GPC6: variants seen among roughly 807,000 people sequenced by gnomAD.
The protein encoded by GPC6 is glypican 6, also known as glypican-6.
In GPC6, 14 loss-of-function variants were observed where a neutral mutation model predicts 55.2. The observed-to-expected ratio is 0.25, with a 90% CI of 0.17 to 0.40. GPC6 has a LOEUF of 0.40. GPC6 is among the 10% of genes least tolerant of loss of function. GPC6 has a pLI of 1.00. For missense variants in GPC6, 641 were observed against 708.5 expected (o/e 0.90, Z 1.08); for synonymous variants, 278 against 259.6 (o/e 1.07, Z -0.68).
chr13:94,360,193 G>T (rs1878992129), intron 6 of GPC6, among the ~76,000 whole-genome samples: 3 of 152,138 alleles, frequency 2.0e-5, no homozygotes, highest in Admixed American at 1.3e-4. Context: ...GGAGTTTTTA[G>T]GACTTTCATT....
At position 93,924,877 on chromosome 13, in the gene GPC6, A is replaced by G. The variant is rs902213629; in HGVS notation, c.711+94332A>G. Among the ~76,000 whole-genome samples the G allele has an allele frequency of 2.0e-5, 3 of 152,208 alleles. No homozygotes were observed. In the East Asian group the frequency reaches 5.8e-4, roughly 29 times the overall value. Reference sequence around the variant, plus strand: ...AAAATTGTATGCATTTATCATATACATGATATTTTGAAATGTATATGTACT... The same window carrying G: ...AAAATTGTATGCATTTATCATATACGTGATATTTTGAAATGTATATGTACT... On this transcript the variant is annotated intron_variant, in intron 3 of 8. Transcript: ENST00000377047.
chr13:94,156,169 GA>G, intron 4 of GPC6, among the ~76,000 whole-genome samples: 1 of 152,240 alleles, frequency 6.6e-6, no homozygotes, highest in Middle Eastern at 3.4e-3. Context: ...ATGGCCAAAT[GA>G]AACAGGGTAA....
intron 2 of GPC6, among the ~76,000 whole-genome samples, chr13:93,699,364 T>C (rs1882591096): frequency 6.6e-6 from 1 of 152,102 alleles, no homozygotes; most frequent in South Asian, 2.1e-4. Flanking sequence ...ACAGGATGGC[T>C]TTCAATTTAG....
chr13:93,287,911 G>GA (rs953890731), intron 1 of GPC6, among the ~76,000 whole-genome samples: 7 of 152,076 alleles, frequency 4.6e-5, no homozygotes, highest in Admixed American at 3.9e-4. Context: ...TCCCTGTAGG[G>GA]AAAACTGTTT....
At chr13:94,182,993 G>A (rs760133450) in intron 4 of GPC6, among the ~76,000 whole-genome samples, 12 of 152,102 alleles carry the variant, frequency 7.9e-5, no homozygotes, top group Non-Finnish European at 1.6e-4. Context: ...GCCCAGGCTG[G>A]TCTCAAACTC....
At chr13:93,780,129 T>C (rs1885590805) in intron 2 of GPC6, among the ~76,000 whole-genome samples, 3 of 152,030 alleles carry the variant, frequency 2.0e-5, no homozygotes, top group Admixed American at 2.0e-4. Context: ...TAAGAAGTAA[T>C]GAGGATGAAA....
At position 93,513,881 on chromosome 13, in the gene GPC6, T is replaced by C. The variant is rs1881078039; in HGVS notation, c.161-31382T>C. 5.5e-5 allele frequency among the ~76,000 whole-genome samples: 8 copies of C among 146,136 alleles called. 1 individual carries two copies. On this transcript the variant is annotated intron_variant, in intron 1 of 8. Transcript: ENST00000377047. ...AATCCTTTGCTGAATGATGGCTTTT[T>C]TTTTTTTTTTTTTCGGTGTTTCACT...
chr13:94,373,972 T>C (rs1054841544), intron 6 of GPC6, among the ~76,000 whole-genome samples: 6 of 151,884 alleles, frequency 4.0e-5, no homozygotes, highest in Non-Finnish European at 8.8e-5. Context: ...CTAAGCTTCA[T>C]AAGTGAAGGA....
rs1379129435 is a variant in GPC6, at chr13:93,226,887, C to T, written c.-570C>T. 6.6e-6 allele frequency: 1 copy of T among 152,596 alleles called. No homozygotes were observed. The highest frequency in any genetic ancestry group is 1.5e-5 in the Non-Finnish European group (1 of 68,100). 9.5% of individuals were successfully genotyped at this position (152,596 alleles called of 1,614,324 possible). On this transcript the variant is annotated 5_prime_UTR_variant, in exon 1 of 9. Coordinates refer to ENST00000377047, the MANE Select transcript of GPC6 (RefSeq NM_005708.5). ...TTTCAGGAGGACTCTCACAGGCTCC[C>T]ACAGCCTGTGTTAAGCTGAGGTTTC...
At chr13:93,764,557 A>T (rs969921385) in intron 2 of GPC6, among the ~76,000 whole-genome samples, 2 of 143,848 alleles carry the variant, frequency 1.4e-5, no homozygotes, top group Non-Finnish European at 3.0e-5. Context: ...TATGAAAGTT[A>T]TTTATGAGAA....
intron 1 of GPC6, among the ~76,000 whole-genome samples, chr13:93,272,498 A>C (rs200397990): frequency 1.2e-5 from 1 of 82,424 alleles, no homozygotes; most frequent in Non-Finnish European, 2.4e-5. Context: ...GTGTGTATAT[A>C]TATATATATA....
At chr13:93,488,093 A>G (rs1879799236) in intron 1 of GPC6, among the ~76,000 whole-genome samples, 1 of 152,168 alleles carries the variant, frequency 6.6e-6, no homozygotes, top group African/African-American at 2.4e-5. Flanking sequence ...TACATTAGGT[A>G]TATCGCCTAA....
intron 3 of GPC6, among the ~76,000 whole-genome samples, chr13:94,019,703 C>T (rs1333019102): frequency 6.6e-6 from 1 of 152,088 alleles, no homozygotes. Flanking sequence ...TAGATCCTTA[C>T]TTTATTTATA....
chr13:93,688,729 GAGAA>G (rs1303814397), intron 2 of GPC6, among the ~76,000 whole-genome samples: 1 of 152,032 alleles, frequency 6.6e-6, no homozygotes, highest in Non-Finnish European at 1.5e-5. Context: ...CAAATTCGTA[GAGAA>G]AGAAAGTAGA....
intron 4 of GPC6, among the ~76,000 whole-genome samples, chr13:94,140,237 C>CACATCTTATGTTA (rs1231596282): frequency 6.6e-6 from 1 of 152,222 alleles, no homozygotes; most frequent in East Asian, 1.9e-4. Flanking sequence ...AGATGTAGTA[C>CACATCTTATGTTA]CGCAGGGACT....
chr13:93,516,271 A>T (rs1042122341), intron 1 of GPC6, among the ~76,000 whole-genome samples: 4 of 152,188 alleles, frequency 2.6e-5, no homozygotes, highest in African/African-American at 9.7e-5. Context: ...TGTTGCACTC[A>T]CTTTTTCATG....
chr13:94,005,097 G>T (rs1313315433), intron 3 of GPC6, among the ~76,000 whole-genome samples: 1 of 151,978 alleles, frequency 6.6e-6, no homozygotes, highest in African/African-American at 2.4e-5. Context: ...TGGACATCAG[G>T]TACACATGGA....
chr13:93,624,611 T>G (rs1170570306), intron 2 of GPC6, among the ~76,000 whole-genome samples: 1 of 152,200 alleles, frequency 6.6e-6, no homozygotes, highest in African/African-American at 2.4e-5. Flanking sequence ...GTGTAGCACT[T>G]AGGAGAAAAC....
intron 2 of GPC6, among the ~76,000 whole-genome samples, chr13:93,612,095 T>C (rs1878488820): frequency 6.6e-6 from 1 of 152,200 alleles, no homozygotes; most frequent in Admixed American, 6.5e-5. Context: ...TTTATTGTAA[T>C]TACATGCAAA....
Sources: gnomAD v4.1 joint callset for allele counts (sites outside exome capture counted in the v4.1 genomes callset) on GRCh38, gnomAD v4.1.1 for gene constraint, MANE v1.5 for transcripts, NCBI Gene and HGNC (gene_info 2026-07-23, HGNC 2026-07-21) for gene names.